The following ANKAR variants were observed in gnomAD, a reference collection of about 807,000 sequenced individuals.
ANKAR encodes ankyrin and armadillo repeat containing, also known as ankyrin and armadillo repeat-containing protein.
A neutral mutation model predicts 146.2 loss-of-function variants in ANKAR; 136 were observed. The observed-to-expected ratio is 0.93, with a 90% CI of 0.81 to 1.07. The LOEUF (loss-of-function observed/expected upper bound fraction) is 1.07. Among genes scored for constraint, ANKAR ranks in the 50% least tolerant of loss-of-function variants. The pLI is 0.00. For synonymous variants in ANKAR, 500 were observed against 575.8 expected, an observed-to-expected ratio of 0.87 and a Z score of 1.88; for missense variants, 1,567 against 1,679.9, an observed-to-expected ratio of 0.93 and a Z score of 1.18.
intron 12 of ANKAR, among the ~76,000 whole-genome samples, chr2:189,723,939 A>T (rs1363045927): frequency 6.6e-6 from 1 of 152,200 alleles, no homozygotes; most frequent in South Asian, 2.1e-4. Context: ...GGTCCAAATG[A>T]GAAATAGACA....
chr2:189,693,159 T>C lies in ANKAR; in HGVS notation c.1289T>C (p.Met430Thr), dbSNP rs1214301643. Residue 430 changes from methionine to threonine, a missense_variant, in exon 5 of 23, where the codon ATG becomes ACG. By Grantham distance (81) the Met-to-Thr change is moderately conservative. Coordinates refer to ENST00000684021, the MANE Select transcript of ANKAR (RefSeq NM_001378068.1). The part of the protein sequence containing the change: ...GYKEYYSIPV[M>T]EFHGKSYYVI... ...AAAGAATATTACTCAATACCAGTCATGGAATTTCATGGAAAAAGGTACGGA... is the reference window on the plus strand; with the variant it reads ...AAAGAATATTACTCAATACCAGTCACGGAATTTCATGGAAAAAGGTACGGA... The C allele has an allele frequency of 1.3e-6, 2 of 1,554,208 alleles. No individual in the cohort carries two copies. Among genetic ancestry groups the C allele is most frequent in the Admixed American group, 3.9e-5 (2 of 51,372 alleles).
chr2:189,761,494 T>C (rs750790943), downstream of ANKAR: 1 of 1,613,142 alleles, frequency 6.2e-7, no homozygotes, highest in Non-Finnish European at 8.5e-7. Flanking sequence ...CAGCAGCTGC[T>C]GTATCATCAC....
chr2:189,677,156 A>T, intron 2 of ANKAR, 65 bp downstream of exon 2: 1 of 1,411,586 alleles, frequency 7.1e-7, no homozygotes, highest in Non-Finnish European at 9.2e-7. Flanking sequence ...TTACTACGTC[A>T]CCCAGGGTGG....
chr2:189,693,097 T>C lies in ANKAR; in HGVS notation c.1227T>C (p.Asp409=), dbSNP rs752280832. 2 of 1,538,670 alleles carry C rather than the reference T, an allele frequency of 1.3e-6. No homozygotes were observed. The highest frequency in any genetic ancestry group is 1.8e-6 in the Non-Finnish European group (2 of 1,134,230). The change falls in exon 5 of 23, where the codon GAT becomes GAC. Residue 409 remains aspartate (D), a synonymous_variant. Coordinates refer to ENST00000684021, the MANE Select transcript of ANKAR (RefSeq NM_001378068.1). The part of the protein sequence containing the change: ...DFQKNLEKIR[D]CAANTFIEDS... The stretch of plus-strand genomic sequence containing the variant: ...AGAAAAATTTAGAAAAAATACGAGA[T>C]TGTGCTGCTAATACATTTATAGAAG...
intron 18 of ANKAR, among the ~76,000 whole-genome samples, chr2:189,753,612 A>AT (rs1297909206): frequency 2.0e-5 from 3 of 152,182 alleles, no homozygotes; most frequent in Admixed American, 2.0e-4. Flanking sequence ...AAATCCACCT[A>AT]TTTTTCTAAA....
In ANKAR at chr2:189,728,415, A is replaced by C. The variant is rs201577576; in HGVS notation, c.3026A>C (p.Tyr1009Ser). ...MLLSPSAKMQ[Y>S]VGGEAVIALS... ...TTGTCACCATCAGCTAAAATGCAGT[A>C]TGTTGGTAAGTTATTTTCCTTATTT... Residue 1009 changes from tyrosine to serine, a missense_variant, in exon 14 of 23, where the codon TAT (tyrosine) becomes TCT (serine). By Grantham distance (144) the Tyr-to-Ser change is moderately radical. Coordinates refer to ENST00000684021, the MANE Select transcript of ANKAR (RefSeq NM_001378068.1). 1.3e-6 allele frequency: 2 copies of C among 1,593,914 alleles called. No homozygotes were observed. Among genetic ancestry groups the C allele is most frequent in the Non-Finnish European group, 1.7e-6 (2 of 1,174,634 alleles).
intron 11 of ANKAR, among the ~76,000 whole-genome samples, chr2:189,720,086 A>G (rs1406809115): frequency 6.6e-6 from 1 of 152,156 alleles, no homozygotes; most frequent in African/African-American, 2.4e-5. Context: ...ACAATGGCAA[A>G]TATTTCCTAA....
intron 2 of ANKAR, 29 bp downstream of exon 2, chr2:189,677,120 T>A (rs2033826856): frequency 2.2e-6 from 3 of 1,365,334 alleles, no homozygotes; most frequent in African/African-American, 1.5e-5. Context: ...TCTTAAATTT[T>A]TTTTTTTTTT....
chr2:189,702,831 T>C (rs2038279198), intron 7 of ANKAR, among the ~76,000 whole-genome samples: 1 of 152,108 alleles, frequency 6.6e-6, no homozygotes, highest in Non-Finnish European at 1.5e-5. Context: ...TGAGGAAATA[T>C]CTTTTAAACT....
chr2:189,709,622 T>A (rs536349268), intron 9 of ANKAR, among the ~76,000 whole-genome samples: 1 of 152,186 alleles, frequency 6.6e-6, no homozygotes, highest in Admixed American at 6.5e-5. Flanking sequence ...GGATAAAATA[T>A]GTTTAAGATT....
intron 18 of ANKAR, chr2:189,752,643 T>C (rs1320507126): frequency 6.8e-6 from 11 of 1,613,444 alleles, no homozygotes; most frequent in Non-Finnish European, 5.9e-6. Flanking sequence ...TCATGAATGA[T>C]ACCACATACT....
At chr2:189,710,997 C>A (rs2039610824) in intron 9 of ANKAR, 52 bp from the exon 10 acceptor site, 1 of 1,479,120 alleles carries the variant, frequency 6.8e-7, no homozygotes, top group Non-Finnish European at 9.4e-7. Context: ...TCAAGCATTT[C>A]ATTGCCTTTT....
downstream of ANKAR, chr2:189,762,667 G>A (rs1342542968): frequency 7.1e-6 from 7 of 985,334 alleles, no homozygotes; most frequent in Non-Finnish European, 8.4e-6. Flanking sequence ...GGGGTGAAGA[G>A]TGAGCAATTT....
At chr2:189,682,510 C>T (rs1048090568) in intron 2 of ANKAR, among the ~76,000 whole-genome samples, 5 of 152,090 alleles carry the variant, frequency 3.3e-5, no homozygotes, top group Non-Finnish European at 7.4e-5. Context: ...GCACAGGTTT[C>T]CCCATCATGC....
chr2:189,741,535 T>C (rs1321511062), intron 20 of ANKAR, 84 bp downstream of exon 20: 3 of 864,322 alleles, frequency 3.5e-6, no homozygotes, highest in Non-Finnish European at 5.4e-6. Context: ...ATTTTTCCAC[T>C]GATTGACTGT....
At chr2:189,696,900 CAAAA>C (rs897834403) in intron 7 of ANKAR, among the ~76,000 whole-genome samples, 2 of 151,868 alleles carry the variant, frequency 1.3e-5, no homozygotes, top group African/African-American at 4.8e-5. Context: ...CATTTAATAA[CAAAA>C]AATTTCTTTA....
intron 11 of ANKAR, 141 bp downstream of exon 11, chr2:189,719,954 T>C: frequency 1.0e-6 from 1 of 955,648 alleles, no homozygotes. Flanking sequence ...AGAGGGTGCC[T>C]GATGAAAACT....
At position 189,695,209 on chromosome 2, in the gene ANKAR, T is replaced by C. The variant is rs79029877; in HGVS notation, c.1488+48T>C. On this transcript the variant is annotated intron_variant, in intron 6 of 22. Coordinates refer to ENST00000684021, the MANE Select transcript of ANKAR (RefSeq NM_001378068.1). The stretch of plus-strand genomic sequence containing the variant: ...ATTTAGTATATGAAGTTATGTATTA[T>C]TGATAAGTATGTGTCTCAAACAGAT... 1,891 of 1,430,970 alleles carry C rather than the reference T, an allele frequency of 1.3e-3. 12 individuals carry two copies. In the African/African-American group the frequency reaches 0.019, roughly 14 times the overall value. 88.6% of individuals were successfully genotyped at this position (1,430,970 alleles called of 1,614,324 possible).
Position 189,676,780 on chromosome 2 carries a change from A to G in ANKAR, c.290A>G (p.Tyr97Cys), listed in dbSNP as rs2033759141. 9 of 1,614,178 alleles carry G rather than the reference A, an allele frequency of 5.6e-6. No individual in the cohort carries two copies. Among genetic ancestry groups the G allele is most frequent in the Non-Finnish European group, 6.8e-6 (8 of 1,180,022 alleles). Residue 97 changes from tyrosine (Y) to cysteine (C), a missense_variant, in exon 2 of 23, where the codon TAT becomes TGT. By Grantham distance (194) the Tyr-to-Cys change is radical (BLOSUM62 -2). Coordinates refer to ENST00000684021, the MANE Select transcript of ANKAR (RefSeq NM_001378068.1). ...GTGGACCCTACTGCCCTCTTAGACTATAGAGAGGTCCATCAAATGATAAGA... is the reference window on the plus strand; with the variant it reads ...GTGGACCCTACTGCCCTCTTAGACTGTAGAGAGGTCCATCAAATGATAAGA... ...TPVDPTALLD[Y>C]REVHQMIREL...
Sources: gnomAD v4.1 joint callset for allele counts (sites outside exome capture counted in the v4.1 genomes callset) on GRCh38, gnomAD v4.1.1 for gene constraint, MANE v1.5 for transcripts, NCBI Gene and HGNC (gene_info 2026-07-23, HGNC 2026-07-21) for gene names.